Variants in PKD1L1 observed in about 807,000 individuals in gnomAD.
PKD1L1 encodes polycystin-1-like protein 1.
A neutral mutation model predicts 323.4 loss-of-function variants in PKD1L1; 236 were observed. The observed-to-expected ratio is 0.73, with a 90% CI of 0.66 to 0.81. PKD1L1 has a LOEUF of 0.81. Among genes scored for constraint, PKD1L1 ranks in the 40% least tolerant of loss-of-function variants. The pLI, the probability that PKD1L1 is intolerant of heterozygous loss-of-function variation, is 0.00. For missense variants in PKD1L1, 3,320 were observed against 3,508.0 expected, an observed-to-expected ratio of 0.95 and a Z score of 1.35; for synonymous variants, 1,344 against 1,335.0, an observed-to-expected ratio of 1.01 and a Z score of -0.15.
chr7:47,958,084 G>GA, the PKD1L1 span, among the ~76,000 whole-genome samples: 20 of 150,772 alleles, frequency 1.3e-4, no homozygotes, highest in Non-Finnish European at 1.9e-4. Context: ...TTCACAGATA[G>GA]AAAAAAAAAT....
intron 7 of PKD1L1, among the ~76,000 whole-genome samples, chr7:47,922,779 C>T (rs911585851): frequency 2.0e-5 from 3 of 152,070 alleles, no homozygotes; most frequent in South Asian, 2.1e-4. Flanking sequence ...CCCGGCCAGC[C>T]GCCCCATCTG....
chr7:47,950,906 G>T (rs2128761063), upstream of PKD1L1, among the ~76,000 whole-genome samples: 1 of 152,178 alleles, frequency 6.6e-6, no homozygotes, highest in East Asian at 1.9e-4. Flanking sequence ...CCAGACAAGG[G>T]AGGGGTTCCC....
chr7:47,930,997 T>C (rs1475486877), intron 6 of PKD1L1, 107 bp downstream of exon 6: 1 of 1,177,906 alleles, frequency 8.5e-7, no homozygotes, highest in Non-Finnish European at 1.2e-6. Context: ...GCAACTATAA[T>C]TAAAGCAAAC....
the PKD1L1 span, among the ~76,000 whole-genome samples, chr7:47,954,989 C>CT: frequency 6.6e-6 from 1 of 152,200 alleles, no homozygotes; most frequent in Admixed American, 6.5e-5. Context: ...TCGTGCTACC[C>CT]ACAGGGTCAT....
At chr7:47,821,210 G>T (rs752267426) in intron 45 of PKD1L1, 24 bp from the exon 46 acceptor site, 5 of 1,473,118 alleles carry the variant, frequency 3.4e-6, no homozygotes, top group South Asian at 2.3e-5. Flanking sequence ...TTTTAAGTTA[G>T]CATCCATACA....
upstream of PKD1L1, among the ~76,000 whole-genome samples, chr7:47,951,362 C>T (rs962266005): frequency 2.0e-5 from 3 of 152,190 alleles, no homozygotes; most frequent in African/African-American, 7.2e-5. Context: ...TAAACAAAAG[C>T]CACCTCCTTA....
At position 47,857,781 on chromosome 7, in the gene PKD1L1, G is replaced by A. The variant is rs142077728; in HGVS notation, c.4414C>T (p.Leu1472Phe). The stretch of plus-strand genomic sequence containing the variant: ...GAGCTCTGAAGGTTGTAATGAAGAA[G>A]GGTCCGGAACTCCATCTGCCCAGTG... The part of the protein sequence containing the change: ...VSTGQMEFRT[L>F]LHYNLQSSVQ... Residue 1472 changes from leucine to phenylalanine, a missense_variant, in exon 28 of 57, where the codon CTT (leucine) becomes TTT (phenylalanine). Physicochemically the swap from Leu to Phe is conservative, Grantham distance 22. Coordinates refer to ENST00000289672, the MANE Select transcript of PKD1L1 (RefSeq NM_138295.5). 1.2e-6 allele frequency: 2 copies of A among 1,614,180 alleles called. No individual in the cohort carries two copies. The highest frequency in any genetic ancestry group is 1.7e-6 in the Non-Finnish European group (2 of 1,180,042).
At chr7:47,838,876 CAAAAAAAA>C (rs57858359) in intron 36 of PKD1L1, among the ~76,000 whole-genome samples, 4 of 85,330 alleles carry the variant, frequency 4.7e-5, no homozygotes, top group East Asian at 3.3e-4. Flanking sequence ...GACTCCATCT[CAAAAAAAA>C]AAAAAAAAAA....
At chr7:47,876,508 C>T (rs1786406324) in intron 22 of PKD1L1, among the ~76,000 whole-genome samples, 1 of 152,162 alleles carries the variant, frequency 6.6e-6, no homozygotes, top group African/African-American at 2.4e-5. Context: ...CAGACTGTCA[C>T]AGCCCCCTCA....
At chr7:47,949,905 T>G (rs879447317), upstream of PKD1L1, among the ~76,000 whole-genome samples, 5 of 152,184 alleles carry the variant, frequency 3.3e-5, no homozygotes, top group African/African-American at 7.2e-5. Context: ...AGGGGCCTGC[T>G]GTTGACCTAA....
At chr7:47,783,280 A>T (rs1260138321) in intron 56 of PKD1L1, among the ~76,000 whole-genome samples, 1 of 152,334 alleles carries the variant, frequency 6.6e-6, no homozygotes, top group South Asian at 2.1e-4. Flanking sequence ...ATGATAATCA[A>T]CATGTACTAA....
chr7:47,921,557 T>C (rs1190557436), intron 7 of PKD1L1, among the ~76,000 whole-genome samples: 1 of 152,130 alleles, frequency 6.6e-6, no homozygotes, highest in Non-Finnish European at 1.5e-5. Context: ...AAATAAGTCA[T>C]TATACGAAAA....
chr7:47,893,821 A>G lies in PKD1L1; in HGVS notation c.2453+57T>C, dbSNP rs1279841887. ...TAGCCTCCAACGTTCCAGAGCCTGC[A>G]TTTGCAGAATGCGCGGTCTGAGTAG... On this transcript the variant is annotated intron_variant, in intron 15 of 56. Transcript: ENST00000289672. 25 of 1,543,886 alleles carry G rather than the reference A, an allele frequency of 1.6e-5. No homozygotes were observed. The African/African-American group carries it at 2.3e-4, about 14-fold the overall frequency.
chr7:47,906,535 A>G (rs1787211022), intron 9 of PKD1L1, among the ~76,000 whole-genome samples: 1 of 151,912 alleles, frequency 6.6e-6, no homozygotes, highest in Non-Finnish European at 1.5e-5. Flanking sequence ...CCACACATGC[A>G]TGTACATATG....
intron 48 of PKD1L1, chr7:47,813,606 G>A (rs555553096): frequency 1.1e-5 from 7 of 660,384 alleles, no homozygotes; most frequent in African/African-American, 8.9e-5. Context: ...CTCCCCATTA[G>A]AAAAAGATAT....
chr7:47,862,732 G>A (rs763597852), intron 26 of PKD1L1, among the ~76,000 whole-genome samples: 1 of 152,136 alleles, frequency 6.6e-6, no homozygotes, highest in Non-Finnish European at 1.5e-5. Context: ...CAAGGGGAGG[G>A]CACAGCGGGA....
the PKD1L1 span, among the ~76,000 whole-genome samples, chr7:47,957,860 A>ATGTATATATATATAT: frequency 8.1e-6 from 1 of 124,134 alleles, no homozygotes; most frequent in South Asian, 2.5e-4. Context: ...CAATTAAAAA[A>ATGTATATATATATAT]AAATATATAT....
At chr7:47,808,513 T>C (rs1163223468) in intron 51 of PKD1L1, 126 bp from the exon 52 acceptor site, 5 of 1,158,564 alleles carry the variant, frequency 4.3e-6, no homozygotes, top group Non-Finnish European at 4.9e-6. Context: ...TTCTGAGAAA[T>C]GCATCGCTGG....
intron 12 of PKD1L1, among the ~76,000 whole-genome samples, chr7:47,903,448 C>T (rs903765556): frequency 2.0e-5 from 3 of 152,280 alleles, no homozygotes; most frequent in Admixed American, 1.3e-4. Context: ...CCACCATGTG[C>T]TCAATTGAGC....
Sources: allele counts gnomAD v4.1 joint callset (sites outside exome capture counted in the v4.1 genomes callset), GRCh38; gene constraint gnomAD v4.1.1; transcripts MANE v1.5; gene names NCBI Gene and HGNC (gene_info 2026-07-23, HGNC 2026-07-21).